Variants in ARID1B observed in about 807,000 individuals in gnomAD.
ARID1B encodes AT-rich interaction domain 1B.
In ARID1B, 30 loss-of-function variants were observed where a neutral mutation model predicts 212.3. The observed-to-expected ratio is 0.14, with a 90% confidence interval of 0.11 to 0.19. The LOEUF is 0.19. Ranked by LOEUF, ARID1B falls within the 10% of genes least tolerant of loss-of-function variation. The pLI is 1.00. For synonymous variants in ARID1B, 1,402 were observed against 1,301.7 expected (o/e 1.08, Z -1.66); for missense variants, 2,891 against 3,204.0 (o/e 0.90, Z 2.36).
At chr6:157,044,325 T>C (rs374772731) in intron 4 of ARID1B, among the ~76,000 whole-genome samples, 2 of 140,818 alleles carry the variant, frequency 1.4e-5, no homozygotes, top group East Asian at 4.1e-4. Context: ...CTGAGGATCA[T>C]ATTTGGCAGT....
intron 2 of ARID1B, among the ~76,000 whole-genome samples, chr6:156,834,011 A>G (rs1237541681): frequency 6.6e-6 from 1 of 152,194 alleles, no homozygotes; most frequent in African/African-American, 2.4e-5. Flanking sequence ...CAGCCAGGCA[A>G]TTTCTAGGGT....
At chr6:156,806,315 C>T (rs1009287356) in intron 1 of ARID1B, among the ~76,000 whole-genome samples, 4 of 152,168 alleles carry the variant, frequency 2.6e-5, no homozygotes, top group Non-Finnish European at 5.9e-5. Context: ...AGTTGGGACC[C>T]CATGCCTTAC....
intron 5 of ARID1B, among the ~76,000 whole-genome samples, chr6:157,108,277 T>C (rs1447122683): frequency 2.0e-5 from 3 of 152,240 alleles, no homozygotes; most frequent in Admixed American, 2.0e-4. Flanking sequence ...TGGCGGTATT[T>C]TATGAATCAT....
chr6:157,192,047 A>C (rs1316732921), intron 15 of ARID1B, among the ~76,000 whole-genome samples: 1 of 152,250 alleles, frequency 6.6e-6, no homozygotes, highest in Non-Finnish European at 1.5e-5. Flanking sequence ...AAGCAAGATC[A>C]TCTATGATTT....
intron 2 of ARID1B, among the ~76,000 whole-genome samples, chr6:156,864,326 G>A (rs1311422195): frequency 6.6e-6 from 1 of 152,178 alleles, no homozygotes; most frequent in African/African-American, 2.4e-5. Context: ...GTCTTTCAGA[G>A]GTGTGCTTCG....
At chr6:157,177,004 T>G (rs143480652) in intron 11 of ARID1B, among the ~76,000 whole-genome samples, 6,009 of 152,312 alleles carry the variant, frequency 0.039, 160 homozygotes, top group Non-Finnish European at 0.057. Context: ...ATTATCTCCA[T>G]CCACTGTAGG....
chr6:157,000,664 A>G (rs571872150), intron 4 of ARID1B, among the ~76,000 whole-genome samples: 6 of 144,460 alleles, frequency 4.2e-5, no homozygotes, highest in African/African-American at 1.5e-4. Context: ...TGATGGATTT[A>G]CACCCTTTCT....
intron 3 of ARID1B, among the ~76,000 whole-genome samples, chr6:156,903,309 A>G (rs538846399): frequency 6.6e-6 from 1 of 152,370 alleles, no homozygotes; most frequent in Admixed American, 6.5e-5. Flanking sequence ...TGATTTGAAT[A>G]CAATAAATTA....
intron 4 of ARID1B, among the ~76,000 whole-genome samples, chr6:156,953,669 T>C (rs924675217): frequency 1.3e-5 from 2 of 152,222 alleles, no homozygotes; most frequent in Non-Finnish European, 2.9e-5. Flanking sequence ...TAATTTATCA[T>C]CAGCTGACAC....
intron 4 of ARID1B, among the ~76,000 whole-genome samples, chr6:156,968,361 A>G (rs1794915826): frequency 6.6e-6 from 1 of 152,272 alleles, no homozygotes; most frequent in Non-Finnish European, 1.5e-5. Flanking sequence ...ATGTAAAGAT[A>G]TGAAACACTT....
At chr6:157,095,602 A>G (rs999765777) in intron 5 of ARID1B, among the ~76,000 whole-genome samples, 1 of 152,174 alleles carries the variant, frequency 6.6e-6, no homozygotes, top group African/African-American at 2.4e-5. Context: ...TCTCACAGGA[A>G]AGTTGAGGGA....
Position 156,778,113 on chromosome 6 carries a change from G to A in ARID1B, c.433G>A (p.Gly145Arg), listed in dbSNP as rs1263111981. The A allele has an allele frequency of 6.5e-7, 1 of 1,541,138 alleles. No individual in the cohort carries two copies. Among genetic ancestry groups the A allele is most frequent in the Non-Finnish European group, 8.7e-7 (1 of 1,146,242 alleles). The change falls in exon 1 of 20, where the codon GGG (glycine) becomes AGG (arginine). Residue 145 changes from glycine to arginine, a missense_variant. Physicochemically the swap from Gly to Arg is moderately radical, Grantham distance 125. Transcript: ENST00000636930. ...SSGPGSAMET[G>R]LLPNHKLKTV... ...GGGCCCGGGCTCGGCCATGGAGACGGGGCTGCTCCCCAACCACAAACTGAA... is the reference window on the plus strand; with the variant it reads ...GGGCCCGGGCTCGGCCATGGAGACGAGGCTGCTCCCCAACCACAAACTGAA...
chr6:156,989,336 G>A (rs550659518), intron 4 of ARID1B, among the ~76,000 whole-genome samples: 1 of 152,264 alleles, frequency 6.6e-6, no homozygotes, highest in South Asian at 2.1e-4. Context: ...GGTGGTCAAG[G>A]TGAAGTAGGA....
rs374771644 is a variant in ARID1B, at chr6:157,184,219, G to A, written c.3715-12G>A. On this transcript the variant is annotated splice_polypyrimidine_tract_variant and intron_variant, in intron 12 of 19. Coordinates refer to ENST00000636930, the MANE Select transcript of ARID1B (RefSeq NM_001374828.1). ...TGTTGCAAACCAATGATCCTGCCGT[G>A]TTTTTCACTAGGTTAATAAAAACAA... 2.4e-4 allele frequency: 375 copies of A among 1,595,094 alleles called. 1 individual carries two copies. The highest frequency in any genetic ancestry group is 5.0e-4 in the Admixed American group (29 of 58,212).
chr6:157,049,618 A>C (rs1782459316), intron 4 of ARID1B, among the ~76,000 whole-genome samples: 1 of 152,160 alleles, frequency 6.6e-6, no homozygotes, highest in Non-Finnish European at 1.5e-5. Context: ...TTTCAGAATA[A>C]ATTTTTTTGT....
chr6:156,893,653 A>G (rs1788141503), intron 2 of ARID1B, among the ~76,000 whole-genome samples: 1 of 152,236 alleles, frequency 6.6e-6, no homozygotes, highest in South Asian at 2.1e-4. Flanking sequence ...AGATATATAC[A>G]TGGCCAATAA....
At chr6:156,898,264 T>G (rs964460703) in intron 2 of ARID1B, among the ~76,000 whole-genome samples, 1 of 152,146 alleles carries the variant, frequency 6.6e-6, no homozygotes, top group African/African-American at 2.4e-5. Context: ...TTAAAAACTC[T>G]CAGCAATCAG....
chr6:156,911,607 T>C (rs1789900874), intron 3 of ARID1B, among the ~76,000 whole-genome samples: 1 of 152,204 alleles, frequency 6.6e-6, no homozygotes, highest in Non-Finnish European at 1.5e-5. Flanking sequence ...GTTCCCTATG[T>C]ATAAAATTTC....
At chr6:157,155,001 A>C (rs953952717) in intron 8 of ARID1B, among the ~76,000 whole-genome samples, 1 of 152,032 alleles carries the variant, frequency 6.6e-6, no homozygotes, top group African/African-American at 2.4e-5. Flanking sequence ...AATAGTAACG[A>C]GTATCTTCGT....
Sources: allele counts gnomAD v4.1 joint callset (sites outside exome capture counted in the v4.1 genomes callset), GRCh38; gene constraint gnomAD v4.1.1; transcripts MANE v1.5; gene names NCBI Gene and HGNC (gene_info 2026-07-23, HGNC 2026-07-21).